HMCN2: variants seen among roughly 807,000 people sequenced by gnomAD.
HMCN2 encodes hemicentin 2, also known as hemicentin-2.
HMCN2 carries 325 observed loss-of-function variants against 377.5 expected under a neutral mutation model. The observed-to-expected ratio is 0.86, with a 90% CI of 0.79 to 0.94. HMCN2 has a LOEUF of 0.94. HMCN2 is among the 40% of genes least tolerant of loss of function. The pLI is 0.00. For synonymous variants in HMCN2, 2,007 were observed against 2,046.8 expected (o/e 0.98, Z 0.53); for missense variants, 4,543 against 4,725.3 (o/e 0.96, Z 1.13).
intron 25 of HMCN2, among the ~76,000 whole-genome samples, chr9:130,343,080 C>T (rs1839148006): frequency 6.6e-6 from 1 of 152,180 alleles, no homozygotes; most frequent in Admixed American, 6.5e-5. Context: ...CAGTGGGACC[C>T]CACGCGTGCA....
At chr9:130,281,063 A>G (rs1835090121) in intron 1 of HMCN2, among the ~76,000 whole-genome samples, 2 of 151,634 alleles carry the variant, frequency 1.3e-5, no homozygotes, top group East Asian at 3.9e-4. Flanking sequence ...AGATTGTGCC[A>G]CTGTACTCCA....
Position 130,376,638 on chromosome 9 carries a change from C to T in HMCN2, c.8041C>T (p.Arg2681Cys), listed in dbSNP as rs1051581383. Reference protein sequence around the residue: ...ESWAVPPPTIRWYKDGQPVTP... With the variant: ...ESWAVPPPTICWYKDGQPVTP... ...CTGGGCTGTGCCCCCGCCCACCATC[C>T]GCTGGTACAAGGATGGACAGGTGAG... The change falls in exon 52 of 98, where the codon CGC (arginine) becomes TGC (cysteine). Residue 2681 changes from arginine (R) to cysteine (C), a missense_variant. Arg to Cys is a radical substitution (Grantham distance 180). This residue lies in a region of HMCN2 where 736 missense variants were observed against 773.2 expected (regional missense o/e 0.95). Transcript: ENST00000683500. 40 of 985,734 alleles carry T rather than the reference C, an allele frequency of 4.1e-5. No homozygotes were observed. Among genetic ancestry groups the T allele is most frequent in the South Asian group, 9.4e-5 (2 of 21,294 alleles). The allele number at this position is 985,734 out of a possible 1,614,324, so 61.1% of individuals were successfully genotyped here. A position where few individuals can be genotyped will look rare whatever the true frequency, so the allele number is the denominator to read the frequency against.
chr9:130,404,263 G>A (rs540543920), intron 80 of HMCN2, among the ~76,000 whole-genome samples: 24 of 152,332 alleles, frequency 1.6e-4, no homozygotes, highest in Admixed American at 5.2e-4. Flanking sequence ...GTATGGGCCG[G>A]TCATGTCTTG....
intron 28 of HMCN2, 70 bp downstream of exon 28, chr9:130,349,201 C>A: frequency 7.9e-7 from 1 of 1,261,264 alleles, no homozygotes; most frequent in South Asian, 1.3e-5. Context: ...TGCAGGCACA[C>A]CGGGGGAGAG....
chr9:130,356,125 G>C lies in HMCN2; in HGVS notation c.5293G>C (p.Gly1765Arg), dbSNP rs1840013141. 3 of 1,299,784 alleles carry C rather than the reference G, an allele frequency of 2.3e-6. No homozygotes were observed. Among genetic ancestry groups the C allele is most frequent in the Non-Finnish European group, 3.0e-6 (3 of 988,100 alleles). The allele number at this position is 1,299,784 out of a possible 1,614,324, so 80.5% of individuals were successfully genotyped here. ...QNGRPAEELA[G>R]VQVASQGTTL... ...TGGCCGCCCAGCCGAGGAGCTGGCT[G>C]GGGTGCAGGTGGCCTCGCAGGGGAC... The change falls in exon 34 of 98, where the codon GGG (glycine) becomes CGG (arginine). Residue 1765 changes from glycine (G) to arginine (R), a missense_variant. Gly to Arg is a moderately radical substitution (Grantham distance 125, BLOSUM62 -2). Coordinates refer to ENST00000683500, the MANE Select transcript of HMCN2 (RefSeq NM_001291815.2).
intron 5 of HMCN2, 120 bp downstream of exon 5, chr9:130,295,146 G>T: frequency 3.4e-6 from 1 of 296,756 alleles, no homozygotes; most frequent in East Asian, 1.1e-4. Flanking sequence ...CCAGGAATAG[G>T]GAAATATGGG....
intron 34 of HMCN2, among the ~76,000 whole-genome samples, chr9:130,357,565 G>A (rs1840109506): frequency 1.3e-5 from 2 of 152,162 alleles, no homozygotes; most frequent in Admixed American, 6.5e-5. Flanking sequence ...AGAAGGATAG[G>A]TAGATGAATA....
rs782144289 is a variant in HMCN2 at position 130,307,463 on chromosome 9, G to A, written c.2097G>A (p.Ser699=). ...TVTLYYTDPP[S]VSAVNAVVLV... ...CTCTTCCCCACACAGACCCACCGTC[G>A]GTCTCTGCTGTAAATGCCGTGGTGC... Residue 699 remains serine, a synonymous_variant, in exon 14 of 98, where the codon TCG becomes TCA. Coordinates refer to ENST00000683500, the MANE Select transcript of HMCN2 (RefSeq NM_001291815.2). 6.4e-6 allele frequency: 3 copies of A among 471,080 alleles called. No individual in the cohort carries two copies. The highest frequency in any genetic ancestry group is 1.5e-5 in the South Asian group (1 of 64,564). 29.2% of individuals were successfully genotyped at this position (471,080 alleles called of 1,614,324 possible). A position where few individuals can be genotyped will look rare whatever the true frequency, so the allele number is the denominator to read the frequency against.
rs1844537788 is a variant in HMCN2, at chr9:130,428,623, C to T, written c.14197+134C>T. On this transcript the variant is annotated intron_variant, in intron 93 of 97. Transcript: ENST00000683500. The surrounding 1 kb of genome is among the most constrained non-coding windows in gnomAD (Gnocchi z 5.0). Reference sequence around the variant, plus strand: ...ACTGGGACTCTTGGCAGAAGGAGTACAGCAAGGCTGGGGACAAAGCCTGCG... The same window carrying T: ...ACTGGGACTCTTGGCAGAAGGAGTATAGCAAGGCTGGGGACAAAGCCTGCG... The T allele has an allele frequency of 4.7e-6, 6 of 1,274,774 alleles. No individual in the cohort carries two copies. The East Asian group carries it at 1.5e-4, about 33-fold the overall frequency. 79.0% of individuals were successfully genotyped at this position (1,274,774 alleles called of 1,614,324 possible). A position where few individuals can be genotyped will look rare whatever the true frequency, so the allele number is the denominator to read the frequency against.
Position 130,425,007 on chromosome 9 carries a change from A to C in HMCN2, c.13520-2A>C, listed in dbSNP as rs1215515889. The C allele has an allele frequency of 1.4e-5, 21 of 1,543,010 alleles. No individual in the cohort carries two copies. Among genetic ancestry groups the C allele is most frequent in the Non-Finnish European group, 1.7e-5 (20 of 1,142,948 alleles). On this transcript the variant is annotated splice_acceptor_variant, in intron 88 of 97. Transcript: ENST00000683500. LOFTEE classifies it high-confidence loss of function. ...TCTGGGCTGGGTGGGGATGGTTTGC[A>C]GGGGAGCTGCTCACGATGACCCAGG...
At chr9:130,313,953 T>C (rs1837409752) in intron 15 of HMCN2, among the ~76,000 whole-genome samples, 1 of 152,062 alleles carries the variant, frequency 6.6e-6, no homozygotes. Context: ...CTGATTTTTG[T>C]ATTTTTTGTA....
Position 130,352,965 on chromosome 9 carries a change from G to A in HMCN2, c.4624G>A (p.Val1542Met). The A allele has an allele frequency of 7.7e-7, 1 of 1,301,646 alleles. No homozygotes were observed. Among genetic ancestry groups the A allele is most frequent in the Non-Finnish European group, 1.0e-6 (1 of 987,402 alleles). 80.6% of individuals were successfully genotyped at this position (1,301,646 alleles called of 1,614,324 possible). Residue 1542 changes from valine to methionine, a missense_variant, in exon 31 of 98, where the codon GTG (valine) becomes ATG (methionine). By Grantham distance (21) the Val-to-Met change is conservative. This residue lies in a region of HMCN2 where 1,032 missense variants were observed against 1,285.1 expected (regional missense o/e 0.80). Transcript: ENST00000683500. The part of the protein sequence containing the change: ...TIWGSNETGE[V>M]AVMEDHLVQL... ...CTGGGGCTCCAACGAGACAGGCGAGGTGGCCGTCATGGAGGACCACCTAGT... is the reference window on the plus strand; with the variant it reads ...CTGGGGCTCCAACGAGACAGGCGAGATGGCCGTCATGGAGGACCACCTAGT...
intron 22 of HMCN2, among the ~76,000 whole-genome samples, chr9:130,331,573 C>T (rs1000570086): frequency 6.6e-5 from 10 of 151,628 alleles, no homozygotes; most frequent in Middle Eastern, 3.4e-3. Context: ...AGCTTCACCC[C>T]AGCTCGCCCG....
Position 130,369,470 on chromosome 9 carries a change from G to T in HMCN2, c.6788-100G>T. ...TCACGAGGTCACACAGCCAGCGATG[G>T]CAAGGGGAGAGGGTGTGTCCCTATT... is the stretch of plus-strand genomic sequence containing the variant. On this transcript the variant is annotated intron_variant, in intron 44 of 97. Coordinates refer to ENST00000683500, the MANE Select transcript of HMCN2 (RefSeq NM_001291815.2). This position sits in a 1 kb window ranked among gnomAD's most constrained non-coding sequence, Gnocchi z 4.5. 1 of 655,544 alleles carries T rather than the reference G, an allele frequency of 1.5e-6. No homozygotes were observed. The highest frequency in any genetic ancestry group is 1.9e-6 in the Non-Finnish European group (1 of 528,304). 40.6% of individuals were successfully genotyped at this position (655,544 alleles called of 1,614,324 possible).
chr9:130,379,229 G>T lies in HMCN2; in HGVS notation c.8213-20G>T. The T allele has an allele frequency of 1.0e-6, 1 of 961,734 alleles. No individual in the cohort carries two copies. Among genetic ancestry groups the T allele is most frequent in the Non-Finnish European group, 1.2e-6 (1 of 808,152 alleles). 59.6% of individuals were successfully genotyped at this position (961,734 alleles called of 1,614,324 possible). On this transcript the variant is annotated intron_variant, in intron 53 of 97. Coordinates refer to ENST00000683500, the MANE Select transcript of HMCN2 (RefSeq NM_001291815.2). ...CACCCCTCTGCTGTGCTTCCTAAGG[G>T]CTTTGTCTCCCCCACCCAGTGCCCC...
chr9:130,407,184 A>T, intron 82 of HMCN2: 1 of 164,316 alleles, frequency 6.1e-6, no homozygotes. Flanking sequence ...TGGGAGGTGG[A>T]GGTTGCAATG....
rs753843958 is a variant in HMCN2, at chr9:130,396,248, C to T, written c.11133C>T (p.Asp3711=). ...CAGCCCTGCTGCCTTGCCAGGCCGA[C>T]GGCGTGCCCGCACCCCTCGTGAGCT... ...NQTALLPCQA[D]GVPAPLVSWR... The change falls in exon 73 of 98, where the codon GAC becomes GAT. Residue 3711 remains aspartate, a synonymous_variant. Transcript: ENST00000683500. 128 of 1,287,094 alleles carry T rather than the reference C, an allele frequency of 9.9e-5. No homozygotes were observed. Among genetic ancestry groups the T allele is most frequent in the East Asian group, 1.1e-4 (2 of 17,916 alleles). 79.7% of individuals were successfully genotyped at this position (1,287,094 alleles called of 1,614,324 possible). A position where few individuals can be genotyped will look rare whatever the true frequency, so the allele number is the denominator to read the frequency against.
Position 130,408,785 on chromosome 9 carries a change from A to T in HMCN2, c.12731A>T (p.Glu4244Val). 7.8e-7 allele frequency: 1 copy of T among 1,289,598 alleles called. No homozygotes were observed. Among genetic ancestry groups the T allele is most frequent in the Non-Finnish European group, 1.0e-6 (1 of 988,744 alleles). 79.9% of individuals were successfully genotyped at this position (1,289,598 alleles called of 1,614,324 possible). ...GGGGAGGCTTTCTCCTACCTGGTGG[A>T]ACCTGTAGGAGGCAGCATTCAGCTA... ...LQGEAFSYLV[E>V]PVGGSIQLDC... Residue 4244 changes from glutamate to valine, a missense_variant, in exon 84 of 98, where the codon GAA (glutamate) becomes GTA (valine). Glu to Val is a moderately radical substitution (Grantham distance 121). Transcript: ENST00000683500.
chr9:130,307,172 C>T lies in HMCN2; in HGVS notation c.2086+234C>T, dbSNP rs369661162. Among the ~76,000 whole-genome samples the T allele has an allele frequency of 9.9e-5, 15 of 152,194 alleles. No individual in the cohort carries two copies. The South Asian group carries it at 2.1e-3, about 21-fold the overall frequency. On this transcript the variant is annotated intron_variant, in intron 13 of 97. Transcript: ENST00000683500. ...GCAAAGAACTGGGAGCCTCCTGGTGCGAGGGAGGGACGTGTGCTGGGGGCG... is the reference window on the plus strand; with the variant it reads ...GCAAAGAACTGGGAGCCTCCTGGTGTGAGGGAGGGACGTGTGCTGGGGGCG...
Sources: allele counts gnomAD v4.1 joint callset (sites outside exome capture counted in the v4.1 genomes callset), GRCh38; gene constraint gnomAD v4.1.1; regional missense constraint gnomAD v4.1.1; non-coding constraint Gnocchi (gnomAD v3.1); transcripts MANE v1.5; gene names NCBI Gene and HGNC (gene_info 2026-07-23, HGNC 2026-07-21).